MID1: variants seen among roughly 807,000 people sequenced by gnomAD.
MID1 encodes E3 ubiquitin-protein ligase Midline-1.
MID1 carries 7 observed loss-of-function variants against 40.4 expected under a neutral mutation model. That is an observed-to-expected ratio of 0.17 (90% CI 0.10 to 0.33). The LOEUF is 0.33. MID1 is among the 10% of genes least tolerant of loss of function. MID1 has a pLI of 1.00. For missense variants in MID1, 367 were observed against 558.5 expected (o/e 0.66, Z 3.46); for synonymous variants, 229 against 221.2 (o/e 1.04, Z -0.31).
At chrX:10,713,335 T>TC (rs1374472304) in intron 1 of MID1, among the ~76,000 whole-genome samples, 1 of 108,308 alleles carries the variant, frequency 9.2e-6, no homozygotes, top group Non-Finnish European at 1.9e-5. Flanking sequence ...ATTTTTTTTT[T>TC]TTTTTTGAGA....
In MID1 at chrX:10,482,515, C is replaced by T; in HGVS notation, c.978G>A (p.Ala326=). 1 of 1,211,130 alleles carries T rather than the reference C, an allele frequency of 8.3e-7. No individual in the cohort carries two copies. Among genetic ancestry groups the T allele is most frequent in the South Asian group, 1.8e-5 (1 of 56,960 alleles). The part of the protein sequence containing the change: ...AEHSLKENDH[A]RFLQTAKNIT... The stretch of plus-strand genomic sequence containing the variant: ...TATTCTTAGCAGTCTGTAGGAAACG[C>T]GCATGATCATTCTCCTTCAGAGAGT... The change falls in exon 5 of 10, where the codon GCG becomes GCA. Residue 326 remains alanine, a synonymous_variant. Transcript: ENST00000317552.
intron 7 of MID1, among the ~76,000 whole-genome samples, chrX:10,468,419 A>C (rs906042490): frequency 5.3e-5 from 6 of 112,663 alleles, no homozygotes; most frequent in Non-Finnish European, 7.5e-5. Context: ...GCTAGGAAAG[A>C]GCAGTTTGTA....
At chrX:10,566,526 TCTCTCC>T (rs1401690224) in intron 2 of MID1, among the ~76,000 whole-genome samples, 133 of 90,368 alleles carry the variant, frequency 1.5e-3, no homozygotes, top group African/African-American at 2.2e-3. Flanking sequence ...TCTCTCCCTC[TCTCTCC>T]CTCTCTCTCT....
intron 1 of MID1, among the ~76,000 whole-genome samples, chrX:10,736,534 T>C (rs1006547967): frequency 2.7e-5 from 3 of 112,180 alleles, no homozygotes; most frequent in African/African-American, 9.7e-5. Flanking sequence ...AGGGGAGTGT[T>C]ATTTTCAAGG....
chrX:10,477,255 A>C (rs764150072), intron 5 of MID1, among the ~76,000 whole-genome samples: 1 of 112,511 alleles, frequency 8.9e-6, no homozygotes, highest in African/African-American at 3.2e-5. Context: ...CTCATCCAAA[A>C]TAGATTTTGT....
At chrX:10,455,553 T>A (rs1023405132) in intron 8 of MID1, among the ~76,000 whole-genome samples, 1 of 111,821 alleles carries the variant, frequency 8.9e-6, no homozygotes, top group Non-Finnish European at 1.9e-5. Context: ...AAAGGAGGAA[T>A]GAATGAAGAC....
intron 1 of MID1, among the ~76,000 whole-genome samples, chrX:10,802,174 C>T (rs1236986888): frequency 1.8e-5 from 2 of 111,208 alleles, no homozygotes; most frequent in African/African-American, 3.3e-5. Context: ...GAGCAAGACT[C>T]CATCTCAAAA....
intron 1 of MID1, among the ~76,000 whole-genome samples, chrX:10,735,308 G>T (rs775555862): frequency 9.0e-6 from 1 of 111,660 alleles, no homozygotes; most frequent in South Asian, 3.8e-4. Flanking sequence ...CTCCATGTTG[G>T]CCAGGCCGGT....
chrX:10,729,316 C>T (rs752265914), intron 1 of MID1, among the ~76,000 whole-genome samples: 25 of 112,077 alleles, frequency 2.2e-4, no homozygotes, highest in South Asian at 7.4e-4. Context: ...ATTCCAAAAC[C>T]GTGTCTGCCA....
At chrX:10,732,114 T>C (rs1032437592) in intron 1 of MID1, among the ~76,000 whole-genome samples, 12 of 110,890 alleles carry the variant, frequency 1.1e-4, no homozygotes, top group Admixed American at 2.9e-4. Context: ...TATTATGAGA[T>C]ATTGAATACT....
chrX:10,454,916 C>G lies in MID1; in HGVS notation c.1609G>C (p.Asp537His). Residue 537 changes from aspartate to histidine, a missense_variant, in exon 9 of 10, where the codon GAT becomes CAT. Transcript: ENST00000317552. ...ACTTCCCAATAATGCCGGCCACTAT[C>G]AATAAACACATTTCCAGCTACTCCA... The part of the protein sequence containing the change: ...SYGVAGNVFI[D>H]SGRHYWEVVI... 1 of 1,211,579 alleles carries G rather than the reference C, an allele frequency of 8.3e-7. No homozygotes were observed. The highest frequency in any genetic ancestry group is 1.1e-6 in the Non-Finnish European group (1 of 895,356).
chrX:10,596,187 C>T (rs1168311397), intron 1 of MID1, among the ~76,000 whole-genome samples: 1 of 111,859 alleles, frequency 8.9e-6, no homozygotes, highest in African/African-American at 3.3e-5. Context: ...ACAGGCTAAA[C>T]CCTCCCAGTT....
intron 1 of MID1, among the ~76,000 whole-genome samples, chrX:10,571,600 A>G (rs1239167141): frequency 9.3e-6 from 1 of 107,150 alleles, no homozygotes; most frequent in Non-Finnish European, 1.9e-5. Context: ...CCATGATCTT[A>G]TGGTTCATTC....
intron 1 of MID1, among the ~76,000 whole-genome samples, chrX:10,598,550 T>G (rs971908808): frequency 8.9e-6 from 1 of 112,259 alleles, no homozygotes; most frequent in Non-Finnish European, 1.9e-5. Flanking sequence ...CCTTAACTGC[T>G]GAGAACGTTT....
intron 1 of MID1, among the ~76,000 whole-genome samples, chrX:10,593,055 T>C (rs1935341453): frequency 8.9e-6 from 1 of 112,188 alleles, no homozygotes; most frequent in Admixed American, 9.4e-5. Flanking sequence ...TAATTCATAA[T>C]ATCACCTTCT....
intron 1 of MID1, among the ~76,000 whole-genome samples, chrX:10,764,397 G>A (rs750348142): frequency 1.3e-4 from 14 of 111,186 alleles, no homozygotes; most frequent in African/African-American, 4.2e-4. Context: ...CTAGTTACAT[G>A]GCTGTTTTCT....
intron 1 of MID1, 129 bp from the exon 2 acceptor site, chrX:10,567,732 TA>T: frequency 2.2e-6 from 1 of 456,613 alleles, no homozygotes; most frequent in Non-Finnish European, 3.8e-6. Context: ...ACATTCCAAA[TA>T]ATTCTCTTTC....
intron 1 of MID1, among the ~76,000 whole-genome samples, chrX:10,754,851 T>C (rs1012340154): frequency 1.8e-5 from 2 of 112,363 alleles, no homozygotes; most frequent in East Asian, 5.5e-4. Flanking sequence ...ACATAATTCT[T>C]ATTTTTATTG....
chrX:10,465,187 TTATATATA>T (rs1170214071), intron 7 of MID1, among the ~76,000 whole-genome samples: 50 of 48,068 alleles, frequency 1.0e-3, no homozygotes, highest in African/African-American at 4.0e-3. Flanking sequence ...GTCTGAAATT[TTATATATA>T]TATATATATA....
Sources: gnomAD v4.1 joint callset for allele counts (sites outside exome capture counted in the v4.1 genomes callset) on GRCh38, gnomAD v4.1.1 for gene constraint, MANE v1.5 for transcripts, NCBI Gene and HGNC (gene_info 2026-07-23, HGNC 2026-07-21) for gene names.